Variants in CSMD1 observed in about 807,000 individuals in gnomAD.
CSMD1 encodes CUB and Sushi multiple domains 1.
CSMD1 carries 213 observed loss-of-function variants against 417.5 expected under a neutral mutation model. The observed-to-expected ratio is 0.51, with a 90% CI of 0.46 to 0.57. The LOEUF (loss-of-function observed/expected upper bound fraction) is 0.57. Among genes scored for constraint, CSMD1 ranks in the 20% least tolerant of loss-of-function variants. The probability of loss-of-function intolerance (pLI) is 0.00; values close to 1 mark genes in which losing one functional copy is unlikely to be tolerated. For missense variants in CSMD1, 6,923 were observed against 4,529.7 expected (o/e 1.53, Z -15.17); for synonymous variants, 2,862 against 1,736.8 (o/e 1.65, Z -16.11).
chr8:3,844,075 C>A (rs376048252), intron 5 of CSMD1, among the ~76,000 whole-genome samples: 1 of 152,202 alleles, frequency 6.6e-6, no homozygotes, highest in Admixed American at 6.5e-5. Flanking sequence ...CCACTCTCAA[C>A]AAGGCCATCT....
At chr8:3,996,074 C>T (rs144038153) in intron 5 of CSMD1, among the ~76,000 whole-genome samples, 66 of 152,326 alleles carry the variant, frequency 4.3e-4, no homozygotes, top group Middle Eastern at 3.4e-3. Context: ...TTTCAGAACA[C>T]GCTTCTCATC....
chr8:3,835,446 T>C (rs1463449043), intron 5 of CSMD1, among the ~76,000 whole-genome samples: 1 of 151,948 alleles, frequency 6.6e-6, no homozygotes, highest in African/African-American at 2.4e-5. Flanking sequence ...GAAACCATCA[T>C]TCTCAGCAAA....
chr8:4,383,191 A>G (rs998754711), intron 3 of CSMD1, among the ~76,000 whole-genome samples: 4 of 152,172 alleles, frequency 2.6e-5, no homozygotes, highest in Admixed American at 6.5e-5. Flanking sequence ...TCAGAAGTAT[A>G]TAACTCTGAG....
chr8:3,953,272 T>A (rs1007540177), intron 5 of CSMD1, among the ~76,000 whole-genome samples: 3 of 152,174 alleles, frequency 2.0e-5, no homozygotes, highest in Non-Finnish European at 4.4e-5. Flanking sequence ...TTACCCTGGA[T>A]TAAGAGAATT....
At chr8:3,049,889 CTG>C (rs1277151955) in intron 50 of CSMD1, among the ~76,000 whole-genome samples, 1 of 152,064 alleles carries the variant, frequency 6.6e-6, no homozygotes, top group African/African-American at 2.4e-5. Flanking sequence ...TGGGAAATCT[CTG>C]TGTCTTCCAT....
chr8:4,255,732 A>G (rs1035265394), intron 3 of CSMD1, among the ~76,000 whole-genome samples: 2 of 152,222 alleles, frequency 1.3e-5, no homozygotes, highest in African/African-American at 4.8e-5. Context: ...TACAAAATCT[A>G]AGCATAGACT....
At chr8:3,730,292 G>A (rs1802768005) in intron 6 of CSMD1, among the ~76,000 whole-genome samples, 1 of 151,550 alleles carries the variant, frequency 6.6e-6, no homozygotes, top group African/African-American at 2.4e-5. Context: ...CATCATCCCT[G>A]ACTCAGCCAT....
In CSMD1 at chr8:4,900,525, AT is replaced by A. The variant is rs1182262696; in HGVS notation, c.85+93806del. The stretch of plus-strand genomic sequence containing the variant: ...ATCACTTCTGGTCTGCCAGTCTCTG[AT>A]TTCTACACAATCCAGATGCTGATGT... On this transcript the variant is annotated intron_variant, in intron 1 of 69. Coordinates refer to ENST00000635120, the MANE Select transcript of CSMD1 (RefSeq NM_033225.6). Among the ~76,000 whole-genome samples the A allele has an allele frequency of 3.3e-5, 5 of 152,040 alleles. No homozygotes were observed. In the East Asian group the frequency reaches 7.7e-4, roughly 23 times the overall value.
chr8:4,929,226 T>C (rs527284560), intron 1 of CSMD1, among the ~76,000 whole-genome samples: 3 of 152,132 alleles, frequency 2.0e-5, no homozygotes, highest in Non-Finnish European at 4.4e-5. Context: ...GGCAGCTGTC[T>C]GAAAGCCAGC....
chr8:3,363,342 T>G (rs1809324280), intron 20 of CSMD1, among the ~76,000 whole-genome samples: 1 of 152,110 alleles, frequency 6.6e-6, no homozygotes, highest in Admixed American at 6.5e-5. Flanking sequence ...TACAGAAAAG[T>G]CATTATGGGA....
At chr8:4,912,732 T>C (rs1805778846) in intron 1 of CSMD1, among the ~76,000 whole-genome samples, 2 of 152,324 alleles carry the variant, frequency 1.3e-5, no homozygotes, top group African/African-American at 4.8e-5. Context: ...AGTGACTTTC[T>C]ATTAGTTTGA....
At chr8:4,268,190 C>T (rs537050119) in intron 3 of CSMD1, among the ~76,000 whole-genome samples, 3 of 152,184 alleles carry the variant, frequency 2.0e-5, no homozygotes, top group African/African-American at 7.2e-5. Flanking sequence ...TGTATCAACT[C>T]ACCATAAAGG....
intron 1 of CSMD1, among the ~76,000 whole-genome samples, chr8:4,797,874 C>T (rs111822406): frequency 2.6e-5 from 4 of 152,052 alleles, no homozygotes; most frequent in Admixed American, 6.5e-5. Flanking sequence ...ATGGATTTTA[C>T]GAAAATCATC....
intron 1 of CSMD1, among the ~76,000 whole-genome samples, chr8:4,714,099 C>A (rs532215086): frequency 6.6e-6 from 1 of 152,116 alleles, no homozygotes; most frequent in East Asian, 1.9e-4. Context: ...GAGCCAAGAT[C>A]ATGCCATTGC....
intron 1 of CSMD1, among the ~76,000 whole-genome samples, chr8:4,789,232 C>A (rs1231466053): frequency 1.3e-5 from 2 of 152,126 alleles, no homozygotes; most frequent in Admixed American, 1.3e-4. Context: ...AAGAAGCTAT[C>A]CTGCCACTGT....
At chr8:3,966,502 G>T (rs752670831) in intron 5 of CSMD1, among the ~76,000 whole-genome samples, 1 of 152,080 alleles carries the variant, frequency 6.6e-6, no homozygotes, top group Non-Finnish European at 1.5e-5. Context: ...GGAGAAACAG[G>T]AGAATCAGTT....
intron 26 of CSMD1, among the ~76,000 whole-genome samples, chr8:3,249,675 T>G (rs556433256): frequency 1.4e-4 from 21 of 152,168 alleles, no homozygotes; most frequent in African/African-American, 4.8e-4. Flanking sequence ...ACTTCAAACA[T>G]GTAATGTAAA....
At chr8:4,608,262 G>T (rs777097504) in intron 2 of CSMD1, among the ~76,000 whole-genome samples, 1 of 152,202 alleles carries the variant, frequency 6.6e-6, no homozygotes, top group Non-Finnish European at 1.5e-5. Flanking sequence ...GATTTCAGTG[G>T]TAAAAGTCTG....
intron 3 of CSMD1, among the ~76,000 whole-genome samples, chr8:4,388,024 T>C (rs1017441716): frequency 6.6e-6 from 1 of 152,238 alleles, no homozygotes; most frequent in Non-Finnish European, 1.5e-5. Flanking sequence ...ACACCAAGCA[T>C]CTATTTTACC....
Sources: allele counts gnomAD v4.1 joint callset (sites outside exome capture counted in the v4.1 genomes callset), GRCh38; gene constraint gnomAD v4.1.1; transcripts MANE v1.5; gene names NCBI Gene and HGNC (gene_info 2026-07-23, HGNC 2026-07-21).